Variants in PUS10 observed in about 807,000 individuals in gnomAD.
PUS10 encodes the protein pseudouridine synthase 10, also known as tRNA pseudouridine synthase Pus10.
A neutral mutation model predicts 75.0 loss-of-function variants in PUS10; 59 were observed. The ratio of observed to expected loss-of-function variants is 0.79; its 90% CI spans 0.64 to 0.98. PUS10 has a LOEUF of 0.98. PUS10 is among the 50% of genes least tolerant of loss of function. PUS10 has a pLI of 0.00. For missense variants in PUS10, 650 were observed against 614.4 expected (o/e 1.06, Z -0.61); for synonymous variants, 219 against 211.6 (o/e 1.03, Z -0.30).
chr2:61,010,945 T>C, intron 2 of PUS10: 1 of 1,523,220 alleles, frequency 6.6e-7, no homozygotes, highest in East Asian at 2.5e-5. Context: ...ATGAGAATTA[T>C]ATAAGACCTT....
At position 60,960,169 on chromosome 2, in the gene PUS10, A is replaced by G. The variant is rs905610058; in HGVS notation, c.1000+223T>C. Among the ~76,000 whole-genome samples the G allele has an allele frequency of 7.3e-5, 10 of 136,674 alleles. No individual in the cohort carries two copies. In the East Asian group the frequency reaches 2.3e-3, roughly 31 times the overall value. The allele number at this position is 136,674 out of a possible 152,430, so 89.7% of individuals were successfully genotyped here. On this transcript the variant is annotated intron_variant, in intron 11 of 17. Coordinates refer to ENST00000316752, the MANE Select transcript of PUS10 (RefSeq NM_144709.4). ...TCTCTCAAAAAAAAAAAAAAAAAAA[A>G]GAGAGAGAGAATAAAATATGAAGAT...
At chr2:60,983,399 C>T (rs72809416) in intron 4 of PUS10, among the ~76,000 whole-genome samples, 12,012 of 152,160 alleles carry the variant, frequency 0.079, 809 homozygotes, top group East Asian at 0.34. Flanking sequence ...AAAGGATAGG[C>T]TGGGCGCGGT....
chr2:60,979,680 C>G (rs1398901404), intron 4 of PUS10, among the ~76,000 whole-genome samples: 1 of 152,170 alleles, frequency 6.6e-6, no homozygotes, highest in Non-Finnish European at 1.5e-5. Context: ...AAAAACCCAT[C>G]AAAATCCTCT....
At chr2:61,017,743 G>C (rs1313224138) in intron 1 of PUS10, 1 of 1,547,102 alleles carries the variant, frequency 6.5e-7, no homozygotes, top group Non-Finnish European at 8.7e-7. Flanking sequence ...AGCGGGAGCC[G>C]AGAGGAGGCG....
At chr2:60,995,126 G>C (rs1292529158) in intron 4 of PUS10, among the ~76,000 whole-genome samples, 1 of 152,112 alleles carries the variant, frequency 6.6e-6, no homozygotes, top group African/African-American at 2.4e-5. Context: ...TAATAGATCA[G>C]AGTTCAAATC....
intron 9 of PUS10, among the ~76,000 whole-genome samples, chr2:60,962,097 T>C (rs1676060277): frequency 6.6e-6 from 1 of 152,240 alleles, no homozygotes; most frequent in South Asian, 2.1e-4. Context: ...AGGAAACTCA[T>C]GAGCCTTCCT....
intron 4 of PUS10, among the ~76,000 whole-genome samples, chr2:60,978,018 T>C (rs1677142657): frequency 6.6e-6 from 1 of 150,814 alleles, no homozygotes; most frequent in Non-Finnish European, 1.5e-5. Flanking sequence ...AAATACAGAG[T>C]GGTGGGGGCT....
chr2:60,970,932 C>T (rs1676621687), intron 5 of PUS10, among the ~76,000 whole-genome samples: 1 of 152,050 alleles, frequency 6.6e-6, no homozygotes, highest in Admixed American at 6.6e-5. Context: ...GTAATCCCAC[C>T]ACTTTGGGAG....
At chr2:60,956,214 C>T (rs1483713703) in intron 11 of PUS10, among the ~76,000 whole-genome samples, 3 of 152,188 alleles carry the variant, frequency 2.0e-5, no homozygotes, top group African/African-American at 7.2e-5. Flanking sequence ...TGTGTTTACA[C>T]TCCAGTGTGA....
At chr2:60,956,865 C>T (rs1675694694) in intron 11 of PUS10, among the ~76,000 whole-genome samples, 1 of 148,640 alleles carries the variant, frequency 6.7e-6, no homozygotes, top group Non-Finnish European at 1.5e-5. Flanking sequence ...GTCCCAGCTA[C>T]TTGGGAGGCT....
chr2:61,003,291 G>A (rs1200434118), intron 4 of PUS10, among the ~76,000 whole-genome samples: 3 of 151,900 alleles, frequency 2.0e-5, no homozygotes, highest in Admixed American at 6.6e-5. Context: ...GTGAAACCGC[G>A]TCTCTACTAA....
intron 2 of PUS10, among the ~76,000 whole-genome samples, chr2:61,009,310 T>C (rs1679452738): frequency 6.6e-6 from 1 of 152,222 alleles, no homozygotes; most frequent in Non-Finnish European, 1.5e-5. Flanking sequence ...ATTTATTAAT[T>C]TGTAGTTCTG....
Position 61,008,916 on chromosome 2 carries a change from GT to G in PUS10, c.225del (p.Glu75AspfsTer9). On this transcript the variant is annotated frameshift_variant, in exon 3 of 18. Coordinates refer to ENST00000316752, the MANE Select transcript of PUS10 (RefSeq NM_144709.4). LOFTEE classifies it high-confidence loss of function. ...NPPPKKIRLQELEDSIDNLSQ... is the reference protein window; with the variant it reads ...NPPPKKIRLQXLEDSIDNLSQ... Reference sequence around the variant, plus strand: ...CTTAGATTATCAATACTATCTTCCAGTTCTTGCAGTCGAATTTTCTTGGGAG... The same window carrying G: ...CTTAGATTATCAATACTATCTTCCAGTCTTGCAGTCGAATTTTCTTGGGAG... The G allele has an allele frequency of 6.2e-7, 1 of 1,613,706 alleles. No individual in the cohort carries two copies. Among genetic ancestry groups the G allele is most frequent in the Non-Finnish European group, 8.5e-7 (1 of 1,179,790 alleles).
chr2:60,972,256 G>T (rs750770686), intron 4 of PUS10, among the ~76,000 whole-genome samples: 1 of 149,702 alleles, frequency 6.7e-6, no homozygotes, highest in Non-Finnish European at 1.5e-5. Context: ...GACGTCAGGA[G>T]ATCGAGACCA....
chr2:60,967,547 A>C lies in PUS10; in HGVS notation c.570T>G (p.Thr190=). Reference sequence around the variant, plus strand: ...CCAGTTCCTCTGAAAACAGGGGGTGAGTTATCCATTTGTAGGCTTCTTTTA... The same window carrying C: ...CCAGTTCCTCTGAAAACAGGGGGTGCGTTATCCATTTGTAGGCTTCTTTTA... ...VQLKEAYKWI[T]HPLFSEELGV... is the part of the protein sequence containing the mutation. The change falls in exon 6 of 18, where the codon ACT becomes ACG. Residue 190 remains threonine, a synonymous_variant. Coordinates refer to ENST00000316752, the MANE Select transcript of PUS10 (RefSeq NM_144709.4). The C allele has an allele frequency of 1.9e-6, 3 of 1,609,896 alleles. No individual in the cohort carries two copies. The highest frequency in any genetic ancestry group is 4.5e-5 in the East Asian group (2 of 44,560).
At chr2:60,943,624 CTA>C (rs1296718378) in intron 17 of PUS10, among the ~76,000 whole-genome samples, 3 of 152,090 alleles carry the variant, frequency 2.0e-5, no homozygotes, top group Non-Finnish European at 4.4e-5. Flanking sequence ...GCCTAAATAG[CTA>C]TGTGTGTGTG....
intron 2 of PUS10, 29 bp downstream of exon 2, chr2:61,011,736 G>GAAAAAAAAA: frequency 8.7e-7 from 1 of 1,154,008 alleles, no homozygotes; most frequent in Non-Finnish European, 1.1e-6. Flanking sequence ...CTCTTAATTT[G>GAAAAAAAAA]AAAAAAAAAA....
chr2:60,997,564 C>T (rs1678557552), intron 4 of PUS10, among the ~76,000 whole-genome samples: 2 of 144,714 alleles, frequency 1.4e-5, no homozygotes, highest in Admixed American at 7.1e-5. Flanking sequence ...GAGCTGAGAT[C>T]GCATCACTGC....
At chr2:60,944,114 C>G (rs935447601) in intron 17 of PUS10, 1 of 516,850 alleles carries the variant, frequency 1.9e-6, no homozygotes, top group Non-Finnish European at 2.5e-6. Context: ...GGTGACAGTG[C>G]AAGACCCTGT....
Sources: allele counts gnomAD v4.1 joint callset (sites outside exome capture counted in the v4.1 genomes callset), GRCh38; gene constraint gnomAD v4.1.1; transcripts MANE v1.5; gene names NCBI Gene and HGNC (gene_info 2026-07-23, HGNC 2026-07-21).